The following TSPEAR variants were observed in gnomAD, a reference collection of about 807,000 sequenced individuals.
TSPEAR encodes the protein thrombospondin type laminin G domain and EAR repeats.
Under a neutral mutation model 71.6 loss-of-function variants are expected in TSPEAR, and 69 were observed. The ratio of observed to expected loss-of-function variants is 0.96; its 90% CI spans 0.79 to 1.18. TSPEAR has a LOEUF of 1.18. TSPEAR is among the 50% of genes most tolerant of loss of function. The pLI is 0.00. For missense variants in TSPEAR, 971 were observed against 894.9 expected, an observed-to-expected ratio of 1.09 and a Z score of -1.09; for synonymous variants, 402 against 387.2, an observed-to-expected ratio of 1.04 and a Z score of -0.45.
chr21:44,710,200 C>G lies in TSPEAR; in HGVS notation c.82+1233G>C, dbSNP rs1988145586. 6.6e-6 allele frequency among the ~76,000 whole-genome samples: 1 copy of G among 152,200 alleles called. No homozygotes were observed. The highest frequency in any genetic ancestry group is 1.5e-5 in the Non-Finnish European group (1 of 68,036). On this transcript the variant is annotated intron_variant, in intron 1 of 11. Transcript: ENST00000323084. The surrounding 1 kb of genome is among the most constrained non-coding windows in gnomAD (Gnocchi z 4.6). ...GAAGCCAGGGGATTTTGCTCTGCGA[C>G]AAGCTGACTTGGCTCTCGTATTGTT...
At position 44,498,206 on chromosome 21, in the gene TSPEAR, G is replaced by A; in HGVS notation, c.*1577C>T. ...TGCAGCTGTCTGCTTAGGGCAAAGG[G>A]AAAGGCAGCTTCCTGCAGGACTCAG... On this transcript the variant is annotated 3_prime_UTR_variant, in exon 12 of 12. Transcript: ENST00000323084. The A allele has an allele frequency of 6.6e-6, 1 of 152,296 alleles. No individual in the cohort carries two copies. Among genetic ancestry groups the A allele is most frequent in the Non-Finnish European group, 1.5e-5 (1 of 68,078 alleles). The allele number at this position is 152,296 out of a possible 1,614,324, so 9.4% of individuals were successfully genotyped here.
At chr21:44,641,947 C>G (rs1038191131) in intron 1 of TSPEAR, among the ~76,000 whole-genome samples, 7 of 151,656 alleles carry the variant, frequency 4.6e-5, no homozygotes, top group African/African-American at 1.7e-4. Flanking sequence ...GAAACACGAC[C>G]CCCTCTTTTC....
At chr21:44,647,080 T>C (rs782462123) in intron 1 of TSPEAR, 1 of 1,613,746 alleles carries the variant, frequency 6.2e-7, no homozygotes, top group Non-Finnish European at 8.5e-7. Context: ...TGTGCCTGTC[T>C]GCTCTAGGGC....
In TSPEAR at chr21:44,504,837, A is replaced by T. The variant is rs781834527; in HGVS notation, c.1799T>A (p.Leu600Gln). Residue 600 changes from leucine to glutamine, a missense_variant, in exon 11 of 12, where the codon CTG becomes CAG. Physicochemically the swap from Leu to Gln is moderately radical, Grantham distance 113. Transcript: ENST00000323084. ...CCCATCGAAGGAGTTGGCCACCACCAGGAAATAATCTTCTCCCACCGAGAA... is the reference window on the plus strand; with the variant it reads ...CCCATCGAAGGAGTTGGCCACCACCTGGAAATAATCTTCTCCCACCGAGAA... ...EFFSVGEDYFLVVANSFDGRT... is the reference protein window; with the variant it reads ...EFFSVGEDYFQVVANSFDGRT... The T allele has an allele frequency of 6.2e-7, 1 of 1,613,298 alleles. No homozygotes were observed. The highest frequency in any genetic ancestry group is 8.5e-7 in the Non-Finnish European group (1 of 1,179,740).
intron 8 of TSPEAR, among the ~76,000 whole-genome samples, chr21:44,525,353 GTAGT>G (rs1569164197): frequency 6.6e-6 from 1 of 152,060 alleles, no homozygotes. Flanking sequence ...AGTGAGTTAG[GTAGT>G]TAATCAGCTA....
chr21:44,609,408 C>A (rs80102952), intron 1 of TSPEAR, among the ~76,000 whole-genome samples: 9,989 of 152,184 alleles, frequency 0.066, 515 homozygotes, highest in East Asian at 0.19. Context: ...AGGATGTGCT[C>A]CACCAAAACA....
intron 1 of TSPEAR, among the ~76,000 whole-genome samples, chr21:44,570,659 A>G (rs1352331356): frequency 2.0e-5 from 3 of 152,194 alleles, no homozygotes; most frequent in Non-Finnish European, 4.4e-5. Flanking sequence ...CTAGAGAAAG[A>G]TGAGGAAATG....
intron 1 of TSPEAR, among the ~76,000 whole-genome samples, chr21:44,644,976 G>C: frequency 6.6e-6 from 1 of 152,116 alleles, no homozygotes; most frequent in Admixed American, 6.6e-5. Context: ...ACCAGTATCA[G>C]ACTGTCATCG....
At chr21:44,697,546 C>T (rs782420917) in intron 1 of TSPEAR, 21 of 1,613,318 alleles carry the variant, frequency 1.3e-5, no homozygotes, top group Non-Finnish European at 1.8e-5. Flanking sequence ...CTGTCTGCTG[C>T]AAGCCTGTGT....
intron 1 of TSPEAR, among the ~76,000 whole-genome samples, chr21:44,655,693 G>A (rs1397424543): frequency 6.6e-6 from 1 of 152,332 alleles, no homozygotes; most frequent in South Asian, 2.1e-4. Context: ...GCAGCGGGCA[G>A]GAGTGTGGAT....
Position 44,660,621 on chromosome 21 carries a change from T to C in TSPEAR, c.82+50812A>G, listed in dbSNP as rs184663599. On this transcript the variant is annotated intron_variant, in intron 1 of 11. Transcript: ENST00000323084. ...CTATAAGAAATTCTTAAAAAATTTCTTTGAGCCAAGGAATATGATAGCAGA... is the reference window on the plus strand; with the variant it reads ...CTATAAGAAATTCTTAAAAAATTTCCTTGAGCCAAGGAATATGATAGCAGA... 1.7e-4 allele frequency among the ~76,000 whole-genome samples: 26 copies of C among 152,368 alleles called. No homozygotes were observed. In the East Asian group the frequency reaches 5.0e-3, roughly 29 times the overall value.
At chr21:44,689,746 G>A (rs1192842954) in intron 1 of TSPEAR, among the ~76,000 whole-genome samples, 1 of 53,210 alleles carries the variant, frequency 1.9e-5, no homozygotes, top group Non-Finnish European at 3.6e-5. Flanking sequence ...TATATTTTGG[G>A]GGGGGTTACT....
chr21:44,575,307 C>T (rs1358448380), intron 1 of TSPEAR: 5 of 442,846 alleles, frequency 1.1e-5, no homozygotes, highest in African/African-American at 2.0e-5. Flanking sequence ...GGCTCAGAGC[C>T]GCAGAGCCTT....
intron 1 of TSPEAR, among the ~76,000 whole-genome samples, chr21:44,620,173 G>A (rs1363699091): frequency 6.6e-6 from 1 of 152,252 alleles, no homozygotes; most frequent in Non-Finnish European, 1.5e-5. Context: ...GCTGGGTTTG[G>A]GCACAGGGGT....
intron 1 of TSPEAR, among the ~76,000 whole-genome samples, chr21:44,659,455 T>C (rs1985370949): frequency 6.6e-6 from 1 of 151,964 alleles, no homozygotes; most frequent in Admixed American, 6.6e-5. Context: ...TCTGACCAGA[T>C]TGACTCATCC....
At chr21:44,647,619 T>G in intron 1 of TSPEAR, 2 of 540,122 alleles carry the variant, frequency 3.7e-6, no homozygotes, top group Non-Finnish European at 6.8e-6. Context: ...AAAGAAGAAC[T>G]GCTCTAATCA....
intron 1 of TSPEAR, chr21:44,627,981 T>C (rs587594755): frequency 7.3e-5 from 112 of 1,528,658 alleles, no homozygotes; most frequent in East Asian, 1.4e-4. Context: ...GTGTGTCCCT[T>C]CTCTGCCGCC....
At chr21:44,549,538 C>G (rs1371360867) in intron 2 of TSPEAR, among the ~76,000 whole-genome samples, 1 of 152,206 alleles carries the variant, frequency 6.6e-6, no homozygotes, top group Non-Finnish European at 1.5e-5. Context: ...ATGTGTGCCC[C>G]CCGCATTGTG....
rs1377247423 is a variant in TSPEAR, at chr21:44,689,715, ATATATAT to A, written c.82+21711_82+21717del. Among the ~76,000 whole-genome samples the A allele has an allele frequency of 1.1e-4, 9 of 79,666 alleles. No homozygotes were observed. In the East Asian group the frequency reaches 3.1e-3, roughly 28 times the overall value. The allele number at this position is 79,666 out of a possible 152,430, so 52.3% of individuals were successfully genotyped here. A position where few individuals can be genotyped will look rare whatever the true frequency, so the allele number is the denominator to read the frequency against. ...CTTAGAGGGACAGAATAGAATGAAT[ATATATAT>A]ATATATATATATATATATTTTGGGG... On this transcript the variant is annotated intron_variant, in intron 1 of 11. Coordinates refer to ENST00000323084, the MANE Select transcript of TSPEAR (RefSeq NM_144991.3).
Sources: allele counts gnomAD v4.1 joint callset (sites outside exome capture counted in the v4.1 genomes callset), GRCh38; gene constraint gnomAD v4.1.1; non-coding constraint Gnocchi (gnomAD v3.1); transcripts MANE v1.5; gene names NCBI Gene and HGNC (gene_info 2026-07-23, HGNC 2026-07-21).